The following ANO10 variants were observed in gnomAD, a reference collection of about 807,000 sequenced individuals.
ANO10 encodes the protein anoctamin 10.
Under a neutral mutation model 74.7 loss-of-function variants are expected in ANO10, and 77 were observed. The observed-to-expected ratio is 1.03, with a 90% CI of 0.86 to 1.25. The LOEUF (loss-of-function observed/expected upper bound fraction) is 1.25, where lower values mean the gene tolerates loss of function less well. ANO10 is among the 50% of genes most tolerant of loss of function. The pLI, the probability that ANO10 is intolerant of heterozygous loss-of-function variation, is 0.00. For missense variants in ANO10, 721 were observed against 778.1 expected, an observed-to-expected ratio of 0.93 and a Z score of 0.87; for synonymous variants, 279 against 284.9, an observed-to-expected ratio of 0.98 and a Z score of 0.21.
chr3:43,402,531 G>C (rs2092501239), intron 12 of ANO10, among the ~76,000 whole-genome samples: 1 of 152,170 alleles, frequency 6.6e-6, no homozygotes, highest in South Asian at 2.1e-4. Context: ...TGATTCCCAT[G>C]TCCTTGTGGG....
Position 43,565,700 on chromosome 3 carries a change from G to C in ANO10, c.1246C>G (p.Leu416Val), listed in dbSNP as rs1443146561. The C allele has an allele frequency of 5.1e-6, 8 of 1,564,998 alleles. No homozygotes were observed. Among genetic ancestry groups the C allele is most frequent in the Non-Finnish European group, 6.9e-6 (8 of 1,154,504 alleles). The change falls in exon 8 of 13, where the codon CTC becomes GTC. Residue 416 changes from leucine (L) to valine (V), a missense_variant. By Grantham distance (32) the Leu-to-Val change is conservative (BLOSUM62 1). Coordinates refer to ENST00000292246, the MANE Select transcript of ANO10 (RefSeq NM_018075.5). ...VFNFLNCFAS[L>V]FYIAFVLKDM... ...TTCAAGACAAAGGCAATATAGAAGA[G>C]TGAGGCAAAGCAATTGAGGAAGTTG...
intron 11 of ANO10, among the ~76,000 whole-genome samples, chr3:43,502,045 T>C (rs1215234468): frequency 6.6e-6 from 1 of 152,190 alleles, no homozygotes; most frequent in African/African-American, 2.4e-5. Flanking sequence ...ATTGGAATCC[T>C]TGTGCATTGC....
In ANO10 at chr3:43,576,667, G is replaced by A. The variant is rs193181511; in HGVS notation, c.1162+25C>T. 8.1e-5 allele frequency: 130 copies of A among 1,608,226 alleles called. No individual in the cohort carries two copies. The African/African-American group carries it at 1.4e-3, about 17-fold the overall frequency. The stretch of plus-strand genomic sequence containing the variant: ...AACATTTCTTACAGGCAAGTAAGAC[G>A]TGAATATAAAGCCTCAAGTCTTACC... On this transcript the variant is annotated intron_variant, in intron 6 of 12. Coordinates refer to ENST00000292246, the MANE Select transcript of ANO10 (RefSeq NM_018075.5).
At chr3:43,673,218 C>T (rs1413052236) in intron 1 of ANO10, among the ~76,000 whole-genome samples, 1 of 152,176 alleles carries the variant, frequency 6.6e-6, no homozygotes. Flanking sequence ...GTATTTATTG[C>T]TTCACAAACA....
intron 1 of ANO10, among the ~76,000 whole-genome samples, chr3:43,610,637 G>A (rs1259291701): frequency 6.6e-6 from 1 of 152,110 alleles, no homozygotes; most frequent in African/African-American, 2.4e-5. Context: ...GTCTGTTGTT[G>A]ACCAAAATGT....
chr3:43,385,982 A>G (rs1460327852), intron 12 of ANO10, among the ~76,000 whole-genome samples: 4 of 152,188 alleles, frequency 2.6e-5, no homozygotes, highest in Non-Finnish European at 4.4e-5. Flanking sequence ...ATATTATACA[A>G]CATTAAATTC....
intron 4 of ANO10, among the ~76,000 whole-genome samples, chr3:43,595,993 G>T (rs528468796): frequency 9.7e-4 from 147 of 152,240 alleles, no homozygotes; most frequent in Middle Eastern, 3.4e-3. Flanking sequence ...GCCAAATCAT[G>T]AGTGAACTCC....
intron 11 of ANO10, among the ~76,000 whole-genome samples, chr3:43,459,427 T>C (rs527961839): frequency 5.9e-5 from 9 of 152,212 alleles, no homozygotes; most frequent in Admixed American, 4.6e-4. Context: ...TAGTCTTCTG[T>C]GAAGAGGCTA....
chr3:43,434,536 T>C (rs2148947846), intron 11 of ANO10, among the ~76,000 whole-genome samples: 1 of 152,330 alleles, frequency 6.6e-6, no homozygotes, highest in Middle Eastern at 3.4e-3. Flanking sequence ...AGAGTCTGTG[T>C]GGGCTTAAGT....
chr3:43,686,279 C>G (rs944608808), intron 1 of ANO10, among the ~76,000 whole-genome samples: 10 of 152,134 alleles, frequency 6.6e-5, no homozygotes, highest in Non-Finnish European at 1.5e-4. Context: ...ATTGTTTAGT[C>G]TAAAACTTTT....
At chr3:43,506,215 T>C (rs1293275758) in intron 11 of ANO10, among the ~76,000 whole-genome samples, 1 of 152,218 alleles carries the variant, frequency 6.6e-6, no homozygotes, top group Non-Finnish European at 1.5e-5. Context: ...ATTTGTGAAG[T>C]TGCTCAGGCC....
At position 43,576,644 on chromosome 3, in the gene ANO10, C is replaced by T. The variant is rs1211267690; in HGVS notation, c.1162+48G>A. 3.1e-6 allele frequency: 5 copies of T among 1,589,318 alleles called. No individual in the cohort carries two copies. In the South Asian group the frequency reaches 3.3e-5, roughly 11 times the overall value. On this transcript the variant is annotated intron_variant, in intron 6 of 12. Coordinates refer to ENST00000292246, the MANE Select transcript of ANO10 (RefSeq NM_018075.5). Reference sequence around the variant, plus strand: ...TATGTGAATCCCATGATCTAGGCAACATTTCTTACAGGCAAGTAAGACGTG... The same window carrying T: ...TATGTGAATCCCATGATCTAGGCAATATTTCTTACAGGCAAGTAAGACGTG...
chr3:43,517,568 CTT>C (rs2077762456), intron 11 of ANO10, among the ~76,000 whole-genome samples: 1 of 152,108 alleles, frequency 6.6e-6, no homozygotes, highest in South Asian at 2.1e-4. Context: ...TACTCATTCT[CTT>C]TGAGTACACA....
intron 1 of ANO10, among the ~76,000 whole-genome samples, chr3:43,658,697 A>G (rs539574592): frequency 2.6e-5 from 4 of 152,138 alleles, no homozygotes; most frequent in African/African-American, 9.6e-5. Context: ...CTTGAACTTC[A>G]GACTTCATGA....
At chr3:43,550,479 GCT>G (rs2079407709) in intron 10 of ANO10, among the ~76,000 whole-genome samples, 1 of 152,054 alleles carries the variant, frequency 6.6e-6, no homozygotes, top group Admixed American at 6.6e-5. Flanking sequence ...TGTGACCATT[GCT>G]CTTTTTTTCT....
chr3:43,370,957 T>C lies in ANO10; in HGVS notation c.1915-3983A>G, dbSNP rs569994747. Among the ~76,000 whole-genome samples the C allele has an allele frequency of 3.3e-5, 5 of 152,286 alleles. No individual in the cohort carries two copies. In the South Asian group the frequency reaches 8.3e-4, roughly 25 times the overall value. ...CCTGGAATGGCCATGGTGGACTCCA[T>C]AGACTTGTGATAACCATGGTGGACA... is the stretch of plus-strand genomic sequence containing the variant. On this transcript the variant is annotated intron_variant, in intron 12 of 12. Coordinates refer to ENST00000292246, the MANE Select transcript of ANO10 (RefSeq NM_018075.5).
intron 1 of ANO10, among the ~76,000 whole-genome samples, chr3:43,675,764 G>A (rs187352346): frequency 3.2e-4 from 49 of 152,162 alleles, no homozygotes; most frequent in Admixed American, 3.2e-3. Flanking sequence ...AAAAAACAGA[G>A]ACAACACCAA....
At chr3:43,485,425 G>C (rs2076439545) in intron 11 of ANO10, among the ~76,000 whole-genome samples, 1 of 152,138 alleles carries the variant, frequency 6.6e-6, no homozygotes, top group Non-Finnish European at 1.5e-5. Flanking sequence ...TCCTAATCCA[G>C]CTCAACACTA....
intron 1 of ANO10, among the ~76,000 whole-genome samples, chr3:43,616,563 T>C (rs374863370): frequency 6.6e-6 from 1 of 152,310 alleles, no homozygotes; most frequent in South Asian, 2.1e-4. Flanking sequence ...GAAGACAGGC[T>C]GCTGGGCTTT....
Sources: allele counts gnomAD v4.1 joint callset (sites outside exome capture counted in the v4.1 genomes callset), GRCh38; gene constraint gnomAD v4.1.1; transcripts MANE v1.5; gene names NCBI Gene and HGNC (gene_info 2026-07-23, HGNC 2026-07-21).